CCDC171: variants seen among roughly 807,000 people sequenced by gnomAD.
CCDC171 encodes the protein coiled-coil domain-containing protein 171.
A neutral mutation model predicts 168.2 loss-of-function variants in CCDC171; 177 were observed. The ratio of observed to expected loss-of-function variants is 1.05; its 90% CI spans 0.93 to 1.19. CCDC171 has a LOEUF of 1.19. CCDC171 is among the 50% of genes most tolerant of loss of function. The probability of loss-of-function intolerance (pLI) is 0.00; values close to 1 mark genes in which losing one functional copy is unlikely to be tolerated. For missense variants in CCDC171, 1,991 were observed against 1,539.0 expected, an observed-to-expected ratio of 1.29 and a Z score of -4.91; for synonymous variants, 687 against 540.8, an observed-to-expected ratio of 1.27 and a Z score of -3.75.
chr9:15,941,125 C>T (rs547343687), intron 25 of CCDC171, among the ~76,000 whole-genome samples: 5 of 152,012 alleles, frequency 3.3e-5, no homozygotes, highest in South Asian at 2.1e-4. Context: ...CTCACCCAGC[C>T]GGCAGACTAT....
intron 11 of CCDC171, among the ~76,000 whole-genome samples, chr9:15,714,543 G>A (rs2052928985): frequency 6.6e-6 from 1 of 152,084 alleles, no homozygotes; most frequent in South Asian, 2.1e-4. Flanking sequence ...TGAATTAATG[G>A]CAGTTCAGAT....
the CCDC171 span, among the ~76,000 whole-genome samples, chr9:16,072,313 C>A: frequency 6.6e-6 from 1 of 152,128 alleles, no homozygotes; most frequent in Non-Finnish European, 1.5e-5. Flanking sequence ...CCTCTCCTGA[C>A]CCTAACTTAC....
chr9:16,041,776 A>T (rs1190674130), upstream of CCDC171, among the ~76,000 whole-genome samples: 1 of 152,194 alleles, frequency 6.6e-6, no homozygotes, highest in African/African-American at 2.4e-5. Context: ...ACCTTCTGGA[A>T]CACAAATTAT....
chr9:15,572,057 A>T (rs577837469), intron 3 of CCDC171, among the ~76,000 whole-genome samples: 1 of 152,188 alleles, frequency 6.6e-6, no homozygotes. Flanking sequence ...TAAATCAGAC[A>T]TTTTTGAAAT....
chr9:15,831,023 G>A (rs142986048), intron 21 of CCDC171, among the ~76,000 whole-genome samples: 927 of 141,588 alleles, frequency 6.5e-3, no homozygotes, highest in Non-Finnish European at 0.011. Context: ...AGGCTGGAGC[G>A]CAGTGGCACG....
intron 24 of CCDC171, among the ~76,000 whole-genome samples, chr9:15,894,292 G>A (rs1820603682): frequency 6.6e-6 from 1 of 151,994 alleles, no homozygotes; most frequent in Non-Finnish European, 1.5e-5. Flanking sequence ...AGTTGTGGGG[G>A]AAGAGCATCA....
At chr9:15,667,394 C>G (rs922819839) in intron 9 of CCDC171, among the ~76,000 whole-genome samples, 5 of 152,054 alleles carry the variant, frequency 3.3e-5, no homozygotes, top group Non-Finnish European at 7.4e-5. Context: ...ACCTGTAATC[C>G]CAGCACTTTG....
intron 23 of CCDC171, among the ~76,000 whole-genome samples, chr9:15,861,938 C>G (rs1434384402): frequency 6.6e-6 from 1 of 151,918 alleles, no homozygotes; most frequent in African/African-American, 2.4e-5. Flanking sequence ...TAGTGATGAA[C>G]TTCCTCAGCT....
the CCDC171 span, among the ~76,000 whole-genome samples, chr9:16,103,378 C>G: frequency 6.6e-6 from 1 of 152,160 alleles, no homozygotes; most frequent in African/African-American, 2.4e-5. Flanking sequence ...CATTGAACCA[C>G]TTAACTTTCT....
chr9:15,965,093 G>A (rs1266056306), intron 25 of CCDC171, among the ~76,000 whole-genome samples: 1 of 152,084 alleles, frequency 6.6e-6, no homozygotes, highest in African/African-American at 2.4e-5. Context: ...TTAAACCTCA[G>A]TGCCTCATTT....
intron 1 of CCDC171, among the ~76,000 whole-genome samples, chr9:16,049,122 G>A (rs2133068050): frequency 6.6e-6 from 1 of 152,280 alleles, no homozygotes; most frequent in South Asian, 2.1e-4. Flanking sequence ...TTGAAATCCT[G>A]AAAGCCGAAT....
the CCDC171 span, among the ~76,000 whole-genome samples, chr9:16,101,207 G>A: frequency 6.6e-6 from 1 of 152,368 alleles, no homozygotes; most frequent in Non-Finnish European, 1.5e-5. Context: ...AGCAGAGCCT[G>A]TAGGCTCTCC....
chr9:15,635,087 A>T (rs937113198), intron 7 of CCDC171, among the ~76,000 whole-genome samples: 2 of 152,224 alleles, frequency 1.3e-5, no homozygotes, highest in African/African-American at 4.8e-5. Context: ...CTAAAGGGAC[A>T]GAACTAATAG....
chr9:16,080,958 A>G, the CCDC171 span, among the ~76,000 whole-genome samples: 2 of 152,130 alleles, frequency 1.3e-5, no homozygotes, highest in Admixed American at 1.3e-4. Flanking sequence ...GCTCTGATAA[A>G]GTTTCATCTG....
At chr9:15,577,191 C>T (rs2040738462) in intron 3 of CCDC171, among the ~76,000 whole-genome samples, 1 of 152,046 alleles carries the variant, frequency 6.6e-6, no homozygotes, top group South Asian at 2.1e-4. Flanking sequence ...CCTTATCTGC[C>T]CTGGGGCTGT....
intron 13 of CCDC171, among the ~76,000 whole-genome samples, chr9:15,724,484 T>A (rs1343122666): frequency 6.6e-6 from 1 of 152,160 alleles, no homozygotes; most frequent in East Asian, 1.9e-4. Context: ...AACGTTGTTT[T>A]AAAAAAATAG....
At chr9:15,949,880 T>G (rs1384923349) in intron 25 of CCDC171, among the ~76,000 whole-genome samples, 3 of 152,170 alleles carry the variant, frequency 2.0e-5, no homozygotes, top group Non-Finnish European at 4.4e-5. Context: ...CCCTGTCTTG[T>G]GCCAGTTTTC....
At chr9:15,878,545 T>G (rs1471047029) in intron 24 of CCDC171, among the ~76,000 whole-genome samples, 2 of 152,184 alleles carry the variant, frequency 1.3e-5, no homozygotes, top group African/African-American at 4.8e-5. Context: ...GTAAATTAGT[T>G]CAGCCCTAGT....
chr9:15,909,703 G>T lies in CCDC171; in HGVS notation c.3601-10567G>T, dbSNP rs894683208. ...TTTGTAAAATATTATTAAAATATTGGAATGAAAGTAAGTCTAATAAATGAG... is the reference window on the plus strand; with the variant it reads ...TTTGTAAAATATTATTAAAATATTGTAATGAAAGTAAGTCTAATAAATGAG... On this transcript the variant is annotated intron_variant, in intron 24 of 25. Coordinates refer to ENST00000380701, the MANE Select transcript of CCDC171 (RefSeq NM_173550.4). Among the ~76,000 whole-genome samples the T allele has an allele frequency of 4.6e-5, 7 of 152,186 alleles. No homozygotes were observed. The East Asian group carries it at 1.4e-3, about 29-fold the overall frequency.
Sources: allele counts gnomAD v4.1 joint callset (sites outside exome capture counted in the v4.1 genomes callset), GRCh38; gene constraint gnomAD v4.1.1; transcripts MANE v1.5; gene names NCBI Gene and HGNC (gene_info 2026-07-23, HGNC 2026-07-21).